Variants in GALNT13 observed in about 807,000 individuals in gnomAD.
GALNT13 encodes UDP-GalNAc:polypeptide N-acetylgalactosaminyltransferase 13.
Under a neutral mutation model 64.2 loss-of-function variants are expected in GALNT13, and 28 were observed. The ratio of observed to expected loss-of-function variants is 0.44; its 90% CI spans 0.32 to 0.60. GALNT13 has a LOEUF of 0.60. GALNT13 is among the 20% of genes least tolerant of loss of function. GALNT13 has a pLI of 0.05. For missense variants in GALNT13, 577 were observed against 669.8 expected, an observed-to-expected ratio of 0.86 and a Z score of 1.53; for synonymous variants, 214 against 224.6, an observed-to-expected ratio of 0.95 and a Z score of 0.42.
chr2:153,087,918 G>T, the GALNT13 span, among the ~76,000 whole-genome samples: 3 of 151,780 alleles, frequency 2.0e-5, no homozygotes, highest in African/African-American at 4.8e-5. Flanking sequence ...AAGAGAATCT[G>T]GTTTTTGTTT....
chr2:153,815,043 CT>C, the GALNT13 span, among the ~76,000 whole-genome samples: 4 of 152,160 alleles, frequency 2.6e-5, no homozygotes, highest in Non-Finnish European at 4.4e-5. Flanking sequence ...TATTTAAATG[CT>C]AAATACAGCT....
chr2:154,348,761 T>G (rs1415488280), intron 9 of GALNT13, among the ~76,000 whole-genome samples: 3 of 152,168 alleles, frequency 2.0e-5, no homozygotes, highest in Non-Finnish European at 4.4e-5. Context: ...TCACTGTTAT[T>G]CTACAAGGTC....
chr2:153,551,994 G>A, the GALNT13 span, among the ~76,000 whole-genome samples: 1 of 152,238 alleles, frequency 6.6e-6, no homozygotes, highest in African/African-American at 2.4e-5. Context: ...AGGAGAGGTT[G>A]GTATGGTAAG....
chr2:153,156,328 T>TTC, the GALNT13 span, among the ~76,000 whole-genome samples: 2 of 152,192 alleles, frequency 1.3e-5, no homozygotes, highest in Admixed American at 1.3e-4. Context: ...TAGTTCGAAC[T>TTC]TTGTTTTGAC....
At chr2:153,209,985 TA>T in the GALNT13 span, among the ~76,000 whole-genome samples, 1 of 152,142 alleles carries the variant, frequency 6.6e-6, no homozygotes, top group Non-Finnish European at 1.5e-5. Context: ...TATATAATTA[TA>T]TTTGAATACA....
At position 154,333,769 on chromosome 2, in the gene GALNT13, C is replaced by T. The variant is rs138045372; in HGVS notation, c.1156+32180C>T. Among the ~76,000 whole-genome samples, 9 of 152,014 alleles carry T rather than the reference C, an allele frequency of 5.9e-5. No individual in the cohort carries two copies. The East Asian group carries it at 1.6e-3, about 26-fold the overall frequency. On this transcript the variant is annotated intron_variant, in intron 9 of 12. Transcript: ENST00000392825. ...TAAAGGGAGTTGGCAGCTTATCCCT[C>T]CTCCTAGACAAATTAAAATGATGAC...
At chr2:154,439,075 T>A (rs1424075594) in intron 12 of GALNT13, among the ~76,000 whole-genome samples, 2 of 152,230 alleles carry the variant, frequency 1.3e-5, no homozygotes, top group African/African-American at 2.4e-5. Flanking sequence ...AATATGTCCA[T>A]ATTTTCAAAT....
the GALNT13 span, among the ~76,000 whole-genome samples, chr2:153,203,383 T>C: frequency 9.2e-5 from 14 of 152,190 alleles, no homozygotes; most frequent in African/African-American, 2.9e-4. Context: ...AAAATAGATA[T>C]AAAAAATTGG....
chr2:153,455,867 A>T, the GALNT13 span, among the ~76,000 whole-genome samples: 1 of 152,346 alleles, frequency 6.6e-6, no homozygotes, highest in African/African-American at 2.4e-5. Context: ...ATGAGGTAGC[A>T]CAAGTGAATT....
chr2:154,023,878 AG>A (rs1223250205), intron 3 of GALNT13, among the ~76,000 whole-genome samples: 1 of 152,106 alleles, frequency 6.6e-6, no homozygotes, highest in Non-Finnish European at 1.5e-5. Flanking sequence ...GAGCTCTTTT[AG>A]GTCAGGCCTG....
At chr2:154,235,712 G>A (rs1453050104) in intron 4 of GALNT13, among the ~76,000 whole-genome samples, 1 of 152,174 alleles carries the variant, frequency 6.6e-6, no homozygotes, top group Admixed American at 6.6e-5. Context: ...TTTGTTTGGA[G>A]TCCTGAATGG....
chr2:154,007,396 C>A (rs1696329938), intron 3 of GALNT13, among the ~76,000 whole-genome samples: 1 of 151,948 alleles, frequency 6.6e-6, no homozygotes, highest in Non-Finnish European at 1.5e-5. Context: ...ATAAACTGCC[C>A]AAATGCCTTA....
the GALNT13 span, among the ~76,000 whole-genome samples, chr2:153,163,815 C>T: frequency 0.073 from 11,133 of 151,982 alleles, 1,365 homozygotes; most frequent in East Asian, 0.54. Flanking sequence ...GTCAGGAGAT[C>T]GAGACCATCC....
At chr2:153,296,875 T>G in the GALNT13 span, among the ~76,000 whole-genome samples, 2 of 152,218 alleles carry the variant, frequency 1.3e-5, no homozygotes, top group African/African-American at 4.8e-5. Context: ...CTTATGTAGC[T>G]CCCTAAATCA....
At chr2:154,264,738 G>A (rs1690891020) in intron 8 of GALNT13, among the ~76,000 whole-genome samples, 1 of 150,474 alleles carries the variant, frequency 6.6e-6, no homozygotes, top group Non-Finnish European at 1.5e-5. Context: ...AATGTGTAGT[G>A]ACACTAAAGC....
At chr2:153,939,519 G>T (rs564841574) in intron 2 of GALNT13, among the ~76,000 whole-genome samples, 1 of 152,280 alleles carries the variant, frequency 6.6e-6, no homozygotes, top group South Asian at 2.1e-4. Context: ...CTGATCTTAA[G>T]TGCATAGTTC....
chr2:153,118,390 T>C, the GALNT13 span, among the ~76,000 whole-genome samples: 355 of 152,294 alleles, frequency 2.3e-3, 4 homozygotes, highest in African/African-American at 8.1e-3. Flanking sequence ...GTACCTACTT[T>C]CCCTCTAACA....
chr2:153,521,959 T>C, the GALNT13 span, among the ~76,000 whole-genome samples: 171 of 152,340 alleles, frequency 1.1e-3, no homozygotes, highest in African/African-American at 3.9e-3. Flanking sequence ...GATATCTTAG[T>C]TGCTTCAAAA....
the GALNT13 span, among the ~76,000 whole-genome samples, chr2:153,655,604 G>A: frequency 6.6e-6 from 1 of 152,030 alleles, no homozygotes; most frequent in South Asian, 2.1e-4. Flanking sequence ...ATGATGACAG[G>A]GCAGGTTATG....
Sources: allele counts gnomAD v4.1 joint callset (sites outside exome capture counted in the v4.1 genomes callset), GRCh38; gene constraint gnomAD v4.1.1; transcripts MANE v1.5; gene names NCBI Gene and HGNC (gene_info 2026-07-23, HGNC 2026-07-21).